Variants in PNO1 observed in about 807,000 individuals in gnomAD.
PNO1 encodes RNA-binding protein PNO1.
Under a neutral mutation model 28.4 loss-of-function variants are expected in PNO1, and 16 were observed. The observed-to-expected ratio is 0.56, with a 90% CI of 0.38 to 0.85. The LOEUF is 0.85. Among genes scored for constraint, PNO1 ranks in the 40% least tolerant of loss-of-function variants. The pLI is 0.00. For synonymous variants in PNO1, 115 were observed against 110.8 expected (o/e 1.04, Z -0.24); for missense variants, 304 against 312.2 (o/e 0.97, Z 0.20).
At chr2:68,165,646 C>T (rs996217599) in intron 5 of PNO1, among the ~76,000 whole-genome samples, 3 of 143,702 alleles carry the variant, frequency 2.1e-5, no homozygotes, top group Non-Finnish European at 3.0e-5. Context: ...GTTAGGAATT[C>T]GAAACCAGCC....
rs1572934746 is a variant in PNO1 at position 68,158,530 on chromosome 2, G to A, written c.357+1G>A. 3 of 1,610,478 alleles carry A rather than the reference G, an allele frequency of 1.9e-6. No homozygotes were observed. The highest frequency in any genetic ancestry group is 1.7e-6 in the Non-Finnish European group (2 of 1,178,652). On this transcript the variant is annotated splice_donor_variant, in intron 2 of 6. Transcript: ENST00000263657. LOFTEE classifies it high-confidence loss of function. The stretch of plus-strand genomic sequence containing the variant: ...GAAATCAAGGAATGTAGAAATCAGG[G>A]TAAGGAAAATCTCAATCATTTCCCA...
At chr2:68,161,503 G>A (rs1246092452) in intron 2 of PNO1, 180 bp from the exon 3 acceptor site, 5 of 582,792 alleles carry the variant, frequency 8.6e-6, no homozygotes, top group Non-Finnish European at 1.6e-5. Flanking sequence ...GGAACGTTTT[G>A]TTTTGCAAAT....
Position 68,175,687 on chromosome 2 carries a change from C to T in PNO1, c.*885C>T, listed in dbSNP as rs1391029666. 6.6e-6 allele frequency: 1 copy of T among 151,940 alleles called. No homozygotes were observed. Among genetic ancestry groups the T allele is most frequent in the Admixed American group, 6.5e-5 (1 of 15,268 alleles). The allele number at this position is 151,940 out of a possible 1,614,324, so 9.4% of individuals were successfully genotyped here. A position where few individuals can be genotyped will look rare whatever the true frequency, so the allele number is the denominator to read the frequency against. ...TTCTTGCAGTTTCAAAAATTAAAGA[C>T]CTACATCACAGGGTTAATGTGAAGA... On this transcript the variant is annotated 3_prime_UTR_variant, in exon 7 of 7. Coordinates refer to ENST00000263657, the MANE Select transcript of PNO1 (RefSeq NM_020143.4).
intron 5 of PNO1, among the ~76,000 whole-genome samples, chr2:68,170,704 C>T (rs566904929): frequency 1.0e-4 from 15 of 144,496 alleles, no homozygotes; most frequent in East Asian, 4.0e-4. Flanking sequence ...GCCGAGATTG[C>T]GCCACTGCAC....
In PNO1 at chr2:68,162,567, A is replaced by G; in HGVS notation, c.524A>G (p.His175Arg). The G allele has an allele frequency of 6.2e-7, 1 of 1,613,388 alleles. No individual in the cohort carries two copies. The highest frequency in any genetic ancestry group is 8.5e-7 in the Non-Finnish European group (1 of 1,179,282). The change falls in exon 5 of 7, where the codon CAT becomes CGT. Residue 175 changes from histidine to arginine, a missense_variant. His to Arg is a conservative substitution (Grantham distance 29). Transcript: ENST00000263657. Reference sequence around the variant, plus strand: ...TTAGTTAAACCCCTAAAGGGAGACCATCTATCCAGGGCAATAGGAAGAATC... The same window carrying G: ...TTAGTTAAACCCCTAAAGGGAGACCGTCTATCCAGGGCAATAGGAAGAATC... ...ITDVKPLKGDHLSRAIGRIAG... is the reference protein window; with the variant it reads ...ITDVKPLKGDRLSRAIGRIAG...
chr2:68,161,673 T>A lies in PNO1; in HGVS notation c.358-10T>A, dbSNP rs1558618323. 6.3e-7 allele frequency: 1 copy of A among 1,580,826 alleles called. No individual in the cohort carries two copies. The highest frequency in any genetic ancestry group is 2.2e-5 in the East Asian group (1 of 44,686). On this transcript the variant is annotated splice_polypyrimidine_tract_variant and intron_variant, in intron 2 of 6. Coordinates refer to ENST00000263657, the MANE Select transcript of PNO1 (RefSeq NM_020143.4). ...AACGGTATTTTGTACCCTTTTTTGT[T>A]TTTTAACAGACTTGTAAAGAAACCA...
chr2:68,162,606 G>T lies in PNO1; in HGVS notation c.563G>T (p.Gly188Val), dbSNP rs549482181. 6.2e-7 allele frequency: 1 copy of T among 1,613,966 alleles called. No homozygotes were observed. Among genetic ancestry groups the T allele is most frequent in the Admixed American group, 1.7e-5 (1 of 60,012 alleles). ...ATAGGAAGAATCGCTGGCAAAGGAG[G>T]AAAAACCAAATTCACCATAGAGAAT... ...RAIGRIAGKG[G>V]KTKFTIENVT... The change falls in exon 5 of 7, where the codon GGA becomes GTA. Residue 188 changes from glycine (G) to valine (V), a missense_variant. Gly to Val is a moderately radical substitution (Grantham distance 109). Coordinates refer to ENST00000263657, the MANE Select transcript of PNO1 (RefSeq NM_020143.4).
intron 5 of PNO1, among the ~76,000 whole-genome samples, chr2:68,168,961 C>T (rs1277234926): frequency 7.8e-6 from 1 of 128,354 alleles, no homozygotes; most frequent in African/African-American, 3.0e-5. Context: ...TGGAGTCTCC[C>T]TCTATCGCCA....
intron 5 of PNO1, among the ~76,000 whole-genome samples, chr2:68,163,540 A>AATAAATACATAC (rs1553401137): frequency 7.4e-4 from 101 of 136,162 alleles, no homozygotes; most frequent in African/African-American, 2.6e-3. Flanking sequence ...CAAATAAATA[A>AATAAATACATAC]ATACATACAT....
At chr2:68,171,141 T>G (rs759758420) in intron 5 of PNO1, among the ~76,000 whole-genome samples, 10 of 152,262 alleles carry the variant, frequency 6.6e-5, no homozygotes, top group Non-Finnish European at 1.2e-4. Context: ...ATCTTTCTTT[T>G]GCAGCATTGT....
chr2:68,174,431 CAG>C (rs1184242124), intron 6 of PNO1, among the ~76,000 whole-genome samples: 1 of 147,954 alleles, frequency 6.8e-6, no homozygotes, highest in Non-Finnish European at 1.5e-5. Context: ...ATCAAATACT[CAG>C]AAAAAAAATA....
chr2:68,170,523 G>A (rs555736717), intron 5 of PNO1, among the ~76,000 whole-genome samples: 82 of 152,138 alleles, frequency 5.4e-4, no homozygotes, highest in Admixed American at 3.4e-3. Context: ...CGAGGCGGGC[G>A]GATCACAATG....
chr2:68,172,108 G>A (rs1674145851), intron 5 of PNO1, among the ~76,000 whole-genome samples: 1 of 152,194 alleles, frequency 6.6e-6, no homozygotes, highest in Admixed American at 6.5e-5. Flanking sequence ...AGGCTGGCAT[G>A]TTGGGATTAT....
intron 2 of PNO1, among the ~76,000 whole-genome samples, chr2:68,159,606 T>C (rs1673778080): frequency 6.6e-6 from 1 of 152,186 alleles, no homozygotes; most frequent in African/African-American, 2.4e-5. Context: ...CCAGAATCGA[T>C]AACCGAAATT....
At chr2:68,161,368 G>T (rs897404509) in intron 2 of PNO1, 1 of 469,532 alleles carries the variant, frequency 2.1e-6, no homozygotes, top group East Asian at 6.2e-5. Flanking sequence ...AGAAGGTAGA[G>T]GTTCTTCAGA....
At chr2:68,174,661 A>G in intron 6 of PNO1, 74 bp from the exon 7 acceptor site, 1 of 969,120 alleles carries the variant, frequency 1.0e-6, no homozygotes, top group South Asian at 1.4e-5. Flanking sequence ...AGTCTTCCTT[A>G]GACACTGAGG....
intron 2 of PNO1, 98 bp downstream of exon 2, chr2:68,158,627 G>T: frequency 2.7e-6 from 3 of 1,112,132 alleles, no homozygotes; most frequent in Non-Finnish European, 3.8e-6. Context: ...CTTTTCTGTT[G>T]TATGGTTTTT....
rs562014133 is a variant in PNO1, at chr2:68,174,658, C to T, written c.692-77C>T. The T allele has an allele frequency of 6.3e-6, 6 of 956,752 alleles. No individual in the cohort carries two copies. The Admixed American group carries it at 1.2e-4, about 19-fold the overall frequency. The allele number at this position is 956,752 out of a possible 1,614,324, so 59.3% of individuals were successfully genotyped here. A position where few individuals can be genotyped will look rare whatever the true frequency, so the allele number is the denominator to read the frequency against. ...TGTGGGAGTCCTGAAACCAGTCTTC[C>T]TTAGACACTGAGGGACAACTGTAGG... On this transcript the variant is annotated intron_variant, in intron 6 of 6. Transcript: ENST00000263657.
intron 3 of PNO1, 119 bp downstream of exon 3, chr2:68,161,885 A>T: frequency 1.5e-6 from 1 of 688,562 alleles, no homozygotes; most frequent in Non-Finnish European, 2.5e-6. Flanking sequence ...CTGTAATCTC[A>T]GCACTCTGGG....
Sources: allele counts gnomAD v4.1 joint callset (sites outside exome capture counted in the v4.1 genomes callset), GRCh38; gene constraint gnomAD v4.1.1; transcripts MANE v1.5; gene names NCBI Gene and HGNC (gene_info 2026-07-23, HGNC 2026-07-21).